The following CLCN5 variants were observed in gnomAD, a reference collection of about 807,000 sequenced individuals.
CLCN5 encodes the protein H(+)/Cl(-) exchange transporter 5.
A neutral mutation model predicts 54.0 loss-of-function variants in CLCN5; 17 were observed. The ratio of observed to expected loss-of-function variants is 0.31; its 90% confidence interval spans 0.22 to 0.47. The LOEUF (loss-of-function observed/expected upper bound fraction) is 0.47, where lower values mean the gene tolerates loss of function less well. Among genes scored for constraint, CLCN5 ranks in the 20% least tolerant of loss-of-function variants. The pLI is 1.00. For missense variants in CLCN5, 448 were observed against 646.7 expected (o/e 0.69, Z 3.33); for synonymous variants, 222 against 233.0 (o/e 0.95, Z 0.43).
At chrX:50,088,012 A>G (rs1177972545) in intron 11 of CLCN5, among the ~76,000 whole-genome samples, 2 of 112,183 alleles carry the variant, frequency 1.8e-5, no homozygotes, top group African/African-American at 6.5e-5. Flanking sequence ...CATAGTCATG[A>G]TCTCATTACA....
At chrX:50,067,811 G>A (rs1933085972) in intron 4 of CLCN5, 1 of 601,558 alleles carries the variant, frequency 1.7e-6, no homozygotes, top group Non-Finnish European at 2.0e-6. Context: ...CCCGGGAGCA[G>A]GGGATCTGGA....
intron 3 of CLCN5, among the ~76,000 whole-genome samples, chrX:50,001,141 C>T (rs1473017523): frequency 3.6e-5 from 4 of 110,574 alleles, no homozygotes; most frequent in African/African-American, 9.9e-5. Flanking sequence ...ATTACTGGCA[C>T]ATGTAGCCAG....
chrX:49,925,837 C>T (rs1925309965), intron 3 of CLCN5, among the ~76,000 whole-genome samples: 1 of 112,349 alleles, frequency 8.9e-6, no homozygotes, highest in African/African-American at 3.2e-5. Flanking sequence ...ATATGAACTA[C>T]CTGAGAGCAA....
chrX:50,032,541 TC>T (rs1557185990), intron 3 of CLCN5, among the ~76,000 whole-genome samples: 1 of 108,949 alleles, frequency 9.2e-6, no homozygotes, highest in Admixed American at 9.6e-5. Context: ...TCTGTTCATG[TC>T]CTTTGCCCAC....
At chrX:50,064,423 GA>G (rs1193192528) in intron 4 of CLCN5, among the ~76,000 whole-genome samples, 2 of 81,063 alleles carry the variant, frequency 2.5e-5, no homozygotes, top group Non-Finnish European at 4.7e-5. Flanking sequence ...GCTTCAAAGA[GA>G]ATAAAATACC....
At chrX:50,019,214 C>A (rs1930940358) in intron 3 of CLCN5, among the ~76,000 whole-genome samples, 3 of 111,290 alleles carry the variant, frequency 2.7e-5, no homozygotes, top group Admixed American at 9.5e-5. Context: ...CTGAATTAAT[C>A]AAATTTGTGG....
At chrX:49,924,509 T>C (rs897912065) in intron 2 of CLCN5, among the ~76,000 whole-genome samples, 10 of 112,329 alleles carry the variant, frequency 8.9e-5, no homozygotes, top group African/African-American at 3.2e-4. Flanking sequence ...TTTGAAGTTT[T>C]AACAACAGGA....
intron 3 of CLCN5, among the ~76,000 whole-genome samples, chrX:49,966,392 T>C (rs1927849035): frequency 9.1e-6 from 1 of 109,489 alleles, no homozygotes; most frequent in Non-Finnish European, 1.9e-5. Flanking sequence ...ATTTGTAGAA[T>C]CTGTAGAGAT....
At position 49,971,769 on chromosome X, in the gene CLCN5, C is replaced by G. The variant is rs1359946694; in HGVS notation, c.16+46455C>G. 2.7e-5 allele frequency among the ~76,000 whole-genome samples: 3 copies of G among 111,944 alleles called. No individual in the cohort carries two copies. In the Admixed American group the frequency reaches 2.8e-4, roughly 11 times the overall value. ...GTTCAATGCTCAGATACCACCTGCTCTACTGTTCGTGCTAAGATTTAGCAG... is the reference window on the plus strand; with the variant it reads ...GTTCAATGCTCAGATACCACCTGCTGTACTGTTCGTGCTAAGATTTAGCAG... On this transcript the variant is annotated intron_variant, in intron 3 of 14. Coordinates refer to ENST00000376091, the MANE Select transcript of CLCN5 (RefSeq NM_001127898.4).
chrX:50,001,543 G>A (rs2147377006), intron 3 of CLCN5, among the ~76,000 whole-genome samples: 1 of 107,858 alleles, frequency 9.3e-6, no homozygotes, highest in Non-Finnish European at 1.9e-5. Context: ...GCATACATGT[G>A]CCATGTTGGT....
chrX:50,095,775 C>T lies in CLCN5; in HGVS notation c.*3556C>T, dbSNP rs1328659066. The T allele has an allele frequency of 8.9e-6, 1 of 112,103 alleles. No individual in the cohort carries two copies. Among genetic ancestry groups the T allele is most frequent in the African/African-American group, 3.2e-5 (1 of 30,822 alleles). The allele number at this position is 112,103 out of a possible 1,213,427, so 9.2% of individuals were successfully genotyped here. On this transcript the variant is annotated 3_prime_UTR_variant, in exon 15 of 15. Transcript: ENST00000376091. ...GATGTGAGGGGGGCAAATATGTTTT[C>T]AAAAACTTAGTGTGCAATAGAGTCC...
At chrX:50,090,592 A>AG (rs1339880925) in intron 13 of CLCN5, 78 bp downstream of exon 13, 1 of 1,155,930 alleles carries the variant, frequency 8.7e-7, no homozygotes, top group African/African-American at 1.8e-5. Flanking sequence ...AAGACAGGGA[A>AG]GGGGGGACTG....
chrX:50,070,043 A>T lies in CLCN5; in HGVS notation c.315+13A>T. 8.4e-7 allele frequency: 1 copy of T among 1,194,042 alleles called. No homozygotes were observed. Among genetic ancestry groups the T allele is most frequent in the Non-Finnish European group, 1.1e-6 (1 of 880,553 alleles). On this transcript the variant is annotated intron_variant, in intron 5 of 14. Transcript: ENST00000376091. Reference sequence around the variant, plus strand: ...TAGGCACCGAGAGGTAAGACAAAAGATGGCACATGGGTAAGTGTTAGGAAA... The same window carrying T: ...TAGGCACCGAGAGGTAAGACAAAAGTTGGCACATGGGTAAGTGTTAGGAAA...
At chrX:49,987,329 C>G (rs1173302164) in intron 3 of CLCN5, among the ~76,000 whole-genome samples, 2 of 111,732 alleles carry the variant, frequency 1.8e-5, no homozygotes, top group East Asian at 2.8e-4. Flanking sequence ...GTAGTCCCCC[C>G]ACCTTTAGGT....
At chrX:50,077,025 A>G (rs868993923) in intron 7 of CLCN5, among the ~76,000 whole-genome samples, 10 of 111,987 alleles carry the variant, frequency 8.9e-5, no homozygotes, top group Admixed American at 4.7e-4. Context: ...CTACTCATCT[A>G]TTTTGTTAGT....
intron 3 of CLCN5, among the ~76,000 whole-genome samples, chrX:49,935,875 G>C (rs942552263): frequency 2.7e-5 from 3 of 110,888 alleles, no homozygotes. Context: ...ATGTTACCAA[G>C]TACCCTAACT....
chrX:50,086,015 A>G lies in CLCN5; in HGVS notation c.969A>G (p.Val323=), dbSNP rs782012547. 2 of 1,209,942 alleles carry G rather than the reference A, an allele frequency of 1.7e-6. No individual in the cohort carries two copies. Among genetic ancestry groups the G allele is most frequent in the South Asian group, 1.8e-5 (1 of 56,934 alleles). The part of the protein sequence containing the change: ...LSAAAAAGVS[V]AFGAPIGGVL... ...CTGCAGCAGCAGCTGGTGTATCTGT[A>G]GCCTTTGGAGCACCTATAGGTGGAG... is the stretch of plus-strand genomic sequence containing the variant. The change falls in exon 10 of 15, where the codon GTA becomes GTG. Residue 323 remains valine, a synonymous_variant. Transcript: ENST00000376091.
rs782378266 is a variant in CLCN5 at position 50,038,980 on chromosome X, C to A, written c.17-3336C>A. On this transcript the variant is annotated intron_variant, in intron 3 of 14. Transcript: ENST00000376091. ...TGCTGCTAACAGTGAGTCATTCTAC[C>A]AATGAGATCAATAGTAGGCAGGGTG... Among the ~76,000 whole-genome samples the A allele has an allele frequency of 5.4e-5, 6 of 111,421 alleles. No homozygotes were observed. The East Asian group carries it at 1.7e-3, about 31-fold the overall frequency.
intron 3 of CLCN5, among the ~76,000 whole-genome samples, chrX:50,018,900 T>G (rs1434474371): frequency 8.9e-6 from 1 of 111,789 alleles, no homozygotes; most frequent in East Asian, 2.8e-4. Context: ...ATGGGAGATA[T>G]TGGTCTGTAG....
Sources: allele counts gnomAD v4.1 joint callset (sites outside exome capture counted in the v4.1 genomes callset), GRCh38; gene constraint gnomAD v4.1.1; transcripts MANE v1.5; gene names NCBI Gene and HGNC (gene_info 2026-07-23, HGNC 2026-07-21).